DNAJC6: variants seen among roughly 807,000 people sequenced by gnomAD.
DNAJC6 encodes the protein auxilin.
DNAJC6 carries 34 observed loss-of-function variants against 110.0 expected under a neutral mutation model. The observed-to-expected ratio is 0.31, with a 90% CI of 0.24 to 0.41. The LOEUF (loss-of-function observed/expected upper bound fraction) is 0.41. DNAJC6 is among the 10% of genes least tolerant of loss of function. The probability of loss-of-function intolerance (pLI) is 1.00; values close to 1 mark genes in which losing one functional copy is unlikely to be tolerated. For missense variants in DNAJC6, 1,031 were observed against 1,207.8 expected, an observed-to-expected ratio of 0.85 and a Z score of 2.17; for synonymous variants, 406 against 437.2, an observed-to-expected ratio of 0.93 and a Z score of 0.89.
intron 17 of DNAJC6, 67 bp from the exon 18 acceptor site, chr1:65,411,183 T>G (rs758204909): frequency 9.9e-6 from 15 of 1,512,072 alleles, no homozygotes; most frequent in East Asian, 2.3e-5. Flanking sequence ...GTTTCTAGAG[T>G]CCTAGTGGAA....
intron 1 of DNAJC6, among the ~76,000 whole-genome samples, chr1:65,267,144 G>T (rs1055956483): frequency 1.1e-4 from 16 of 152,062 alleles, no homozygotes; most frequent in Admixed American, 6.6e-4. Flanking sequence ...TGATCCACCC[G>T]CCTCGGCCTC....
intron 16 of DNAJC6, among the ~76,000 whole-genome samples, chr1:65,407,883 G>A (rs1250767900): frequency 6.6e-6 from 1 of 152,204 alleles, no homozygotes; most frequent in Non-Finnish European, 1.5e-5. Flanking sequence ...GATTTGAATC[G>A]ACTGTATGGA....
chr1:65,307,082 CATATT>C (rs1407341574), upstream of DNAJC6, among the ~76,000 whole-genome samples: 2 of 146,224 alleles, frequency 1.4e-5, no homozygotes, highest in Non-Finnish European at 3.0e-5. Flanking sequence ...TGATGGTACT[CATATT>C]ATGCTTGTTT....
rs1644912703 is a variant in DNAJC6 at position 65,294,686 on chromosome 1, G to T, written c.-131+29754G>T. On this transcript the variant is annotated intron_variant, in intron 1 of 19. Coordinates refer to the DNAJC6 transcript ENST00000263441. Reference sequence around the variant, plus strand: ...TTACATGTTGAAATGGCAATATATTGTACCCATTGAGTTAAATAAAGTGTT... The same window carrying T: ...TTACATGTTGAAATGGCAATATATTTTACCCATTGAGTTAAATAAAGTGTT... 2.4e-5 allele frequency among the ~76,000 whole-genome samples: 3 copies of T among 126,618 alleles called. No individual in the cohort carries two copies. The South Asian group carries it at 8.0e-4, about 34-fold the overall frequency. The allele number at this position is 126,618 out of a possible 152,430, so 83.1% of individuals were successfully genotyped here.
chr1:65,321,237 C>T (rs1243507147), intron 1 of DNAJC6, among the ~76,000 whole-genome samples: 2 of 152,154 alleles, frequency 1.3e-5, no homozygotes, highest in Non-Finnish European at 2.9e-5. Flanking sequence ...TGCTCTGTTG[C>T]CCAAGCTGGC....
At chr1:65,405,094 A>T (rs1237039094) in intron 15 of DNAJC6, among the ~76,000 whole-genome samples, 2 of 152,244 alleles carry the variant, frequency 1.3e-5, no homozygotes, top group African/African-American at 4.8e-5. Flanking sequence ...AATGCAAGCC[A>T]CAGCTGGTTT....
intron 12 of DNAJC6, among the ~76,000 whole-genome samples, chr1:65,394,128 CTG>C (rs1474120092): frequency 6.6e-5 from 10 of 152,216 alleles, no homozygotes; most frequent in African/African-American, 2.4e-4. Context: ...CATTTTAAGA[CTG>C]TGCACCTGGT....
intron 1 of DNAJC6, among the ~76,000 whole-genome samples, chr1:65,314,266 G>C (rs564645441): frequency 6.6e-5 from 10 of 151,732 alleles, no homozygotes; most frequent in Non-Finnish European, 8.8e-5. Context: ...GAGTCTGGTT[G>C]GAAACAAAAA....
intron 1 of DNAJC6, among the ~76,000 whole-genome samples, chr1:65,318,846 C>G (rs538104248): frequency 6.6e-6 from 1 of 152,156 alleles, no homozygotes; most frequent in African/African-American, 2.4e-5. Flanking sequence ...ACATGTACAC[C>G]AGAACTTAAA....
chr1:65,386,830 T>G lies in DNAJC6; in HGVS notation c.1014T>G (p.Asp338Glu). 6.2e-7 allele frequency: 1 copy of G among 1,614,154 alleles called. No homozygotes were observed. The highest frequency in any genetic ancestry group is 8.5e-7 in the Non-Finnish European group (1 of 1,179,998). ...FERMKEYRVQ[D>E]GKIFIPLNIT... is the part of the protein sequence containing the mutation. ...TTTACAGAGAATATCGTGTCCAAGA[T>G]GGAAAAATCTTCATTCCCTTGAACA... Residue 338 changes from aspartate (D) to glutamate (E), a missense_variant, in exon 8 of 19, where the codon GAT becomes GAG. By Grantham distance (45) the Asp-to-Glu change is conservative. Transcript: ENST00000371069.
In DNAJC6 at chr1:65,355,264, CAAAAAAAAA is replaced by C. The variant is rs58338708; in HGVS notation, c.194-9357_194-9349del. 3.6e-5 allele frequency among the ~76,000 whole-genome samples: 3 copies of C among 84,216 alleles called. No individual in the cohort carries two copies. In the Admixed American group the frequency reaches 4.0e-4, roughly 11 times the overall value. 55.2% of individuals were successfully genotyped at this position (84,216 alleles called of 152,430 possible). A position where few individuals can be genotyped will look rare whatever the true frequency, so the allele number is the denominator to read the frequency against. On this transcript the variant is annotated intron_variant, in intron 1 of 18. Coordinates refer to ENST00000371069, the MANE Select transcript of DNAJC6 (RefSeq NM_001256864.2). Reference sequence around the variant, plus strand: ...TGGGCAAGAGAGCCACACCCTGTCTCAAAAAAAAAAAAAAAAAAAAAAGAAAAAGATTAT... The same window carrying C: ...TGGGCAAGAGAGCCACACCCTGTCTCAAAAAAAAAAAAAGAAAAAGATTAT...
In DNAJC6 at chr1:65,280,748, A is replaced by C. The variant is rs529149064; in HGVS notation, c.-131+15816A>C. Among the ~76,000 whole-genome samples the C allele has an allele frequency of 2.9e-3, 437 of 152,284 alleles. 1 individual carries two copies. Among genetic ancestry groups the C allele is most frequent in the Non-Finnish European group, 4.6e-3 (312 of 68,030 alleles). On this transcript the variant is annotated intron_variant, in intron 1 of 19. Coordinates refer to the DNAJC6 transcript ENST00000263441. ...TCCAGTCACTGACTCACTTTAAGGCAGTCTTTTCATTTTTTGGTCTAATTT... is the reference window on the plus strand; with the variant it reads ...TCCAGTCACTGACTCACTTTAAGGCCGTCTTTTCATTTTTTGGTCTAATTT...
At chr1:65,406,949 A>T (rs908495923) in intron 16 of DNAJC6, among the ~76,000 whole-genome samples, 2 of 152,172 alleles carry the variant, frequency 1.3e-5, no homozygotes, top group African/African-American at 4.8e-5. Flanking sequence ...ACATTTATTG[A>T]GTCCTTACTG....
intron 1 of DNAJC6, among the ~76,000 whole-genome samples, chr1:65,298,278 GA>G (rs1313892934): frequency 2.0e-5 from 3 of 152,136 alleles, no homozygotes; most frequent in Non-Finnish European, 4.4e-5. Context: ...ACTAGTACTT[GA>G]AAATGAGGCA....
rs1464748622 is a variant in DNAJC6, at chr1:65,392,489, A to C, written c.1527A>C (p.Glu509Asp). ...ACCACGCTGCCCTAGTGAATCAGGAAAGTGAGCAATCAGATGATGAACTTC... is the reference window on the plus strand; with the variant it reads ...ACCACGCTGCCCTAGTGAATCAGGACAGTGAGCAATCAGATGATGAACTTC... The part of the protein sequence containing the change: ...EEDHAALVNQ[E>D]SEQSDDELLT... The change falls in exon 12 of 19, where the codon GAA (glutamate) becomes GAC (aspartate). Residue 509 changes from glutamate (E) to aspartate (D), a missense_variant. Glu to Asp is a conservative substitution (Grantham distance 45, BLOSUM62 2). Transcript: ENST00000371069. 3.1e-6 allele frequency: 5 copies of C among 1,613,732 alleles called. No individual in the cohort carries two copies. Among genetic ancestry groups the C allele is most frequent in the South Asian group, 1.1e-5 (1 of 90,978 alleles).
At chr1:65,329,278 T>G (rs1338147365) in intron 1 of DNAJC6, among the ~76,000 whole-genome samples, 1 of 152,156 alleles carries the variant, frequency 6.6e-6, no homozygotes, top group Non-Finnish European at 1.5e-5. Context: ...TCTGAGCTTG[T>G]CACATTTTTC....
chr1:65,352,842 C>T (rs1001899284), intron 1 of DNAJC6, among the ~76,000 whole-genome samples: 8 of 152,136 alleles, frequency 5.3e-5, no homozygotes, highest in Non-Finnish European at 1.0e-4. Flanking sequence ...GCTGCATATG[C>T]ATAACAAGCA....
chr1:65,352,302 C>T (rs772078467), intron 1 of DNAJC6, among the ~76,000 whole-genome samples: 2 of 152,116 alleles, frequency 1.3e-5, no homozygotes, highest in Non-Finnish European at 2.9e-5. Flanking sequence ...CTGTTATGTT[C>T]CTGACTGTGC....
At chr1:65,362,268 A>G (rs1297729958) in intron 1 of DNAJC6, among the ~76,000 whole-genome samples, 4 of 152,184 alleles carry the variant, frequency 2.6e-5, no homozygotes, top group Non-Finnish European at 5.9e-5. Context: ...TTGGGATGCT[A>G]TGAGGATTAA....
Sources: allele counts gnomAD v4.1 joint callset (sites outside exome capture counted in the v4.1 genomes callset), GRCh38; gene constraint gnomAD v4.1.1; transcripts MANE v1.5; gene names NCBI Gene and HGNC (gene_info 2026-07-23, HGNC 2026-07-21).